CNTN5: variants seen among roughly 807,000 people sequenced by gnomAD.
CNTN5 encodes the protein contactin 5, also known as contactin-5.
A neutral mutation model predicts 129.1 loss-of-function variants in CNTN5; 77 were observed. The ratio of observed to expected loss-of-function variants is 0.60; its 90% CI spans 0.50 to 0.72. The LOEUF (loss-of-function observed/expected upper bound fraction) is 0.72, where lower values mean the gene tolerates loss of function less well. CNTN5 is among the 30% of genes least tolerant of loss of function. CNTN5 has a pLI of 0.00. For missense variants in CNTN5, 1,478 were observed against 1,328.8 expected, an observed-to-expected ratio of 1.11 and a Z score of -1.75; for synonymous variants, 509 against 465.6, an observed-to-expected ratio of 1.09 and a Z score of -1.20.
chr11:100,088,587 C>T (rs1332100580), intron 13 of CNTN5, among the ~76,000 whole-genome samples: 9 of 151,996 alleles, frequency 5.9e-5, no homozygotes, highest in African/African-American at 2.2e-4. Flanking sequence ...TACATAAGAT[C>T]CTCAGAGACT....
At chr11:99,623,797 T>C (rs1951036952) in intron 3 of CNTN5, among the ~76,000 whole-genome samples, 1 of 152,014 alleles carries the variant, frequency 6.6e-6, no homozygotes, top group South Asian at 2.1e-4. Context: ...TATTTATTTG[T>C]ACTGATATAT....
intron 3 of CNTN5, among the ~76,000 whole-genome samples, chr11:99,796,135 G>A (rs1427503114): frequency 6.6e-6 from 1 of 152,140 alleles, no homozygotes; most frequent in East Asian, 1.9e-4. Context: ...TAGCAGTGTT[G>A]GCATGGGGAC....
chr11:99,310,151 A>G (rs1245741373), intron 1 of CNTN5, among the ~76,000 whole-genome samples: 1 of 152,138 alleles, frequency 6.6e-6, no homozygotes, highest in African/African-American at 2.4e-5. Flanking sequence ...TTTTGCCTCA[A>G]AAGTTGTGAA....
chr11:99,531,203 T>C (rs967065361), intron 2 of CNTN5, among the ~76,000 whole-genome samples: 1 of 152,148 alleles, frequency 6.6e-6, no homozygotes, highest in Non-Finnish European at 1.5e-5. Context: ...GGAGCAAAGA[T>C]GACTCTTGTT....
intron 23 of CNTN5, among the ~76,000 whole-genome samples, chr11:100,341,526 G>A (rs1426183951): frequency 6.6e-6 from 1 of 151,984 alleles, no homozygotes; most frequent in Non-Finnish European, 1.5e-5. Context: ...TCTTCCAGGA[G>A]ACTAACTTTG....
intron 1 of CNTN5, among the ~76,000 whole-genome samples, chr11:99,289,086 A>G (rs2135913278): frequency 6.6e-6 from 1 of 151,932 alleles, no homozygotes; most frequent in East Asian, 1.9e-4. Flanking sequence ...CCTTGTCTCT[A>G]TAATATAGAT....
chr11:100,090,794 A>G (rs1275732153), intron 13 of CNTN5, among the ~76,000 whole-genome samples: 9 of 151,572 alleles, frequency 5.9e-5, no homozygotes, highest in East Asian at 2.0e-4. Flanking sequence ...TCCTTAATCA[A>G]TTTTTACCAC....
chr11:100,136,828 T>TG (rs1220230749), intron 13 of CNTN5, among the ~76,000 whole-genome samples: 62 of 151,530 alleles, frequency 4.1e-4, no homozygotes, highest in Middle Eastern at 3.4e-3. Context: ...AACAAACACT[T>TG]GGGAAAAAAA....
intron 18 of CNTN5, among the ~76,000 whole-genome samples, chr11:100,281,687 C>A (rs1950644403): frequency 6.6e-6 from 1 of 152,134 alleles, no homozygotes; most frequent in Admixed American, 6.5e-5. Context: ...ATACCCCTAT[C>A]TCTTTCTACC....
chr11:100,058,430 A>G (rs1943328004), intron 9 of CNTN5, among the ~76,000 whole-genome samples: 1 of 152,142 alleles, frequency 6.6e-6, no homozygotes, highest in African/African-American at 2.4e-5. Flanking sequence ...CAAACCATGA[A>G]CTCACCAACG....
intron 3 of CNTN5, among the ~76,000 whole-genome samples, chr11:99,639,232 C>A (rs1193205976): frequency 6.6e-6 from 1 of 152,158 alleles, no homozygotes; most frequent in Non-Finnish European, 1.5e-5. Context: ...GGCTGGGACA[C>A]AGAGCACCAA....
chr11:99,456,393 T>A (rs1237187878), intron 2 of CNTN5, among the ~76,000 whole-genome samples: 1 of 152,102 alleles, frequency 6.6e-6, no homozygotes, highest in African/African-American at 2.4e-5. Context: ...TTCTGGAGTA[T>A]GAATGAATGT....
intron 9 of CNTN5, among the ~76,000 whole-genome samples, chr11:100,046,868 A>G (rs1942708646): frequency 6.6e-6 from 1 of 152,176 alleles, no homozygotes; most frequent in South Asian, 2.1e-4. Context: ...AGAATAAAAA[A>G]CAGTGAAGTT....
chr11:99,680,825 C>T (rs1244790470), intron 3 of CNTN5, among the ~76,000 whole-genome samples: 1 of 151,910 alleles, frequency 6.6e-6, no homozygotes, highest in Non-Finnish European at 1.5e-5. Flanking sequence ...ATCAAAATTA[C>T]TCCTTGATCC....
intron 1 of CNTN5, among the ~76,000 whole-genome samples, chr11:99,291,249 C>T (rs1864158700): frequency 6.6e-6 from 1 of 151,828 alleles, no homozygotes; most frequent in Non-Finnish European, 1.5e-5. Flanking sequence ...CTTCATTTGT[C>T]TTAATAAAGG....
intron 1 of CNTN5, among the ~76,000 whole-genome samples, chr11:99,287,320 T>C (rs1246742133): frequency 1.3e-5 from 2 of 152,270 alleles, no homozygotes; most frequent in Middle Eastern, 3.4e-3. Context: ...GAGGTGAAGA[T>C]GCCTCCTTGA....
intron 2 of CNTN5, among the ~76,000 whole-genome samples, chr11:99,393,240 T>G (rs1364928204): frequency 6.6e-6 from 1 of 151,604 alleles, no homozygotes; most frequent in African/African-American, 2.4e-5. Flanking sequence ...CAGGAAGACA[T>G]AAGAAATTGG....
intron 6 of CNTN5, among the ~76,000 whole-genome samples, chr11:99,886,360 A>G (rs917978522): frequency 6.6e-6 from 1 of 152,170 alleles, no homozygotes. Context: ...GTAAGTATGT[A>G]TATATTTTAT....
At chr11:99,918,196 C>T (rs1252894247) in intron 7 of CNTN5, among the ~76,000 whole-genome samples, 1 of 152,098 alleles carries the variant, frequency 6.6e-6, no homozygotes, top group Admixed American at 6.6e-5. Context: ...TTTTATACAG[C>T]TTCAATTTTG....
Sources: gnomAD v4.1 joint callset for allele counts (sites outside exome capture counted in the v4.1 genomes callset) on GRCh38, gnomAD v4.1.1 for gene constraint, MANE v1.5 for transcripts, NCBI Gene and HGNC (gene_info 2026-07-23, HGNC 2026-07-21) for gene names.